FAM149B1: variants seen among roughly 807,000 people sequenced by gnomAD.
FAM149B1 encodes the protein family with sequence similarity 149 member B1.
A neutral mutation model predicts 75.3 loss-of-function variants in FAM149B1; 56 were observed. The ratio of observed to expected loss-of-function variants is 0.74; its 90% CI spans 0.60 to 0.93. The LOEUF is 0.93. FAM149B1 is among the 40% of genes least tolerant of loss of function. FAM149B1 has a pLI of 0.00. For missense variants in FAM149B1, 639 were observed against 708.4 expected (o/e 0.90, Z 1.11); for synonymous variants, 259 against 256.1 (o/e 1.01, Z -0.11).
intron 5 of FAM149B1, among the ~76,000 whole-genome samples, chr10:73,207,612 C>G (rs2043097151): frequency 6.6e-6 from 1 of 152,048 alleles, no homozygotes; most frequent in Admixed American, 6.6e-5. Context: ...TGCAGGCATT[C>G]AACTCCACCC....
At chr10:73,177,757 G>C in intron 2 of FAM149B1, 89 bp from the exon 3 acceptor site, 1 of 1,151,088 alleles carries the variant, frequency 8.7e-7, no homozygotes, top group Non-Finnish European at 1.2e-6. Context: ...TAATCACCTA[G>C]TAAGTTGCTG....
Position 73,177,929 on chromosome 10 carries a change from C to CA in FAM149B1, c.237dup (p.Gly80ArgfsTer5), listed in dbSNP as rs961204301. ...TCTGCTTTTCCAAGTTATACAGGCG[C>CA]AGGGATATCTACTGAAGGAAGCTCG... On this transcript the variant is annotated frameshift_variant, in exon 3 of 14. Coordinates refer to ENST00000242505, the MANE Select transcript of FAM149B1 (RefSeq NM_173348.2). LOFTEE classifies it high-confidence loss of function. 2.6e-6 allele frequency: 4 copies of CA among 1,551,540 alleles called. No individual in the cohort carries two copies. In the African/African-American group the frequency reaches 5.5e-5, roughly 21 times the overall value.
chr10:73,232,839 C>T, intron 9 of FAM149B1, 100 bp from the exon 10 acceptor site: 1 of 705,204 alleles, frequency 1.4e-6, no homozygotes, highest in Non-Finnish European at 2.5e-6. Flanking sequence ...TTATTTCCCC[C>T]TAAATGTAGT....
Position 73,243,756 on chromosome 10 carries a change from G to T in FAM149B1, c.*2737G>T. On this transcript the variant is annotated 3_prime_UTR_variant, in exon 14 of 14. Transcript: ENST00000242505. ...GAAGGTATGCGGTTATGTCTTAAAA[G>T]AAGAAAACAAAATACAACATTCCAA... The T allele has an allele frequency of 7.5e-7, 1 of 1,337,260 alleles. No individual in the cohort carries two copies. The highest frequency in any genetic ancestry group is 1.0e-6 in the Non-Finnish European group (1 of 952,750). The allele number at this position is 1,337,260 out of a possible 1,614,324, so 82.8% of individuals were successfully genotyped here. A position where few individuals can be genotyped will look rare whatever the true frequency, so the allele number is the denominator to read the frequency against.
At position 73,208,763 on chromosome 10, in the gene FAM149B1, C is replaced by T; in HGVS notation, c.687C>T (p.Tyr229=). Residue 229 remains tyrosine (Y), a synonymous_variant, in exon 6 of 14, where the codon TAC becomes TAT. Coordinates refer to ENST00000242505, the MANE Select transcript of FAM149B1 (RefSeq NM_173348.2). ...TCTCAGAAGGAATAATTGAGGAATA[C>T]CTAGCATTCGATCACATAGATATGT... ...IIVSEGIIEE[Y]LAFDHIDIEE... is the part of the protein sequence containing the mutation. 5.3e-6 allele frequency: 8 copies of T among 1,521,708 alleles called. No individual in the cohort carries two copies. Among genetic ancestry groups the T allele is most frequent in the Non-Finnish European group, 7.1e-6 (8 of 1,128,642 alleles). 94.3% of individuals were successfully genotyped at this position (1,521,708 alleles called of 1,614,324 possible).
chr10:73,220,751 G>A (rs1368433999), intron 7 of FAM149B1, among the ~76,000 whole-genome samples: 2 of 152,124 alleles, frequency 1.3e-5, no homozygotes, highest in Non-Finnish European at 2.9e-5. Flanking sequence ...CTATTTACAC[G>A]TGGAGAAAAG....
At chr10:73,175,444 C>T (rs774582679) in intron 2 of FAM149B1, among the ~76,000 whole-genome samples, 20 of 151,822 alleles carry the variant, frequency 1.3e-4, no homozygotes, top group African/African-American at 1.9e-4. Context: ...CCGAGGTGCA[C>T]GGATCACGAG....
intron 3 of FAM149B1, chr10:73,183,468 C>T (rs925143610): frequency 1.3e-5 from 2 of 152,180 alleles, no homozygotes; most frequent in Non-Finnish European, 2.9e-5. Context: ...TGAATTCTCT[C>T]ATCCATTTGT....
chr10:73,218,383 G>A (rs1406718464), intron 7 of FAM149B1, among the ~76,000 whole-genome samples: 1 of 152,166 alleles, frequency 6.6e-6, no homozygotes, highest in Non-Finnish European at 1.5e-5. Context: ...AACTTTGGGG[G>A]TCTGACAACC....
At chr10:73,240,562 A>G (rs1047188671) in intron 13 of FAM149B1, among the ~76,000 whole-genome samples, 2 of 152,084 alleles carry the variant, frequency 1.3e-5, no homozygotes, top group African/African-American at 2.4e-5. Flanking sequence ...AATACAAAAA[A>G]TTAGCCGGGT....
At chr10:73,217,860 C>T (rs2043330910) in intron 7 of FAM149B1, among the ~76,000 whole-genome samples, 1 of 152,200 alleles carries the variant, frequency 6.6e-6, no homozygotes, top group Non-Finnish European at 1.5e-5. Flanking sequence ...CCCAATGATT[C>T]ATGTTCTCCC....
At chr10:73,178,763 CCAAAATATTTACT>C (rs1844082351) in intron 3 of FAM149B1, among the ~76,000 whole-genome samples, 1 of 151,988 alleles carries the variant, frequency 6.6e-6, no homozygotes, top group African/African-American at 2.4e-5. Flanking sequence ...GTGAAAAGGA[CCAAAATATTTACT>C]CAAAATATTG....
intron 12 of FAM149B1, 63 bp downstream of exon 12, chr10:73,235,381 A>G: frequency 6.5e-7 from 1 of 1,543,208 alleles, no homozygotes; most frequent in Non-Finnish European, 8.7e-7. Context: ...GGGGGGAATA[A>G]TAGTTTGGCA....
rs1268373864 is a variant in FAM149B1 at position 73,243,386 on chromosome 10, A to G, written c.*2367A>G. ...TCAATTTACACCTAAGGACCTTTGA[A>G]GAGAAAAATTCCATTATTTCTTTTC... On this transcript the variant is annotated 3_prime_UTR_variant, in exon 14 of 14. Transcript: ENST00000242505. The G allele has an allele frequency of 6.2e-7, 1 of 1,612,892 alleles. No individual in the cohort carries two copies. The highest frequency in any genetic ancestry group is 8.5e-7 in the Non-Finnish European group (1 of 1,179,796).
chr10:73,230,966 C>T (rs1249861819), intron 9 of FAM149B1: 2 of 154,162 alleles, frequency 1.3e-5, no homozygotes, highest in Non-Finnish European at 2.9e-5. Context: ...TAGCAGATCA[C>T]TTTTGACATA....
rs2133297501 is a variant in FAM149B1 at position 73,174,716 on chromosome 10, A to G, written c.77A>G (p.His26Arg). Residue 26 changes from histidine to arginine, a missense_variant, in exon 2 of 14, where the codon CAT (histidine) becomes CGT (arginine). His to Arg is a conservative substitution (Grantham distance 29). Coordinates refer to ENST00000242505, the MANE Select transcript of FAM149B1 (RefSeq NM_173348.2). ...GGAATAACAAAACATGCTCTTAACC[A>G]TCATCCCCCTCCAGAGAAGCTGGAG... is the stretch of plus-strand genomic sequence containing the variant. ...LKGITKHALN[H>R]HPPPEKLEEI... is the part of the protein sequence containing the mutation. 1 of 1,551,332 alleles carries G rather than the reference A, an allele frequency of 6.4e-7. No homozygotes were observed.
chr10:73,209,899 AT>A (rs3841206), intron 6 of FAM149B1, among the ~76,000 whole-genome samples: 15,572 of 150,672 alleles, frequency 0.1, 1,158 homozygotes, highest in East Asian at 0.31. Context: ...TTCCCATTGC[AT>A]TTTTTTCCCA....
intron 7 of FAM149B1, among the ~76,000 whole-genome samples, chr10:73,224,285 A>G (rs916859258): frequency 6.6e-6 from 1 of 152,154 alleles, no homozygotes; most frequent in African/African-American, 2.4e-5. Flanking sequence ...TAAATGAATG[A>G]GCTTGGCTGT....
intron 8 of FAM149B1, 95 bp downstream of exon 8, chr10:73,228,279 T>C (rs1335705556): frequency 2.0e-6 from 2 of 1,022,498 alleles, no homozygotes; most frequent in Non-Finnish European, 2.9e-6. Flanking sequence ...GATTTCTGAC[T>C]CAATATGTTT....
Sources: allele counts gnomAD v4.1 joint callset (sites outside exome capture counted in the v4.1 genomes callset), GRCh38; gene constraint gnomAD v4.1.1; transcripts MANE v1.5; gene names NCBI Gene and HGNC (gene_info 2026-07-23, HGNC 2026-07-21).